The following NFIB variants were observed in gnomAD, a reference collection of about 807,000 sequenced individuals.
The protein encoded by NFIB is nuclear factor I B.
Under a neutral mutation model 61.5 loss-of-function variants are expected in NFIB, and 11 were observed. The ratio of observed to expected loss-of-function variants is 0.18; its 90% CI spans 0.11 to 0.30. NFIB has a LOEUF of 0.30. Among genes scored for constraint, NFIB ranks in the 10% least tolerant of loss-of-function variants. NFIB has a pLI of 1.00. For synonymous variants in NFIB, 260 were observed against 216.5 expected (o/e 1.20, Z -1.76); for missense variants, 471 against 608.9 (o/e 0.77, Z 2.38).
intron 2 of NFIB, among the ~76,000 whole-genome samples, chr9:14,296,557 T>A (rs1264438337): frequency 6.6e-6 from 1 of 152,238 alleles, no homozygotes; most frequent in Non-Finnish European, 1.5e-5. Context: ...GGAGCTTTCA[T>A]AAACAGGATT....
the NFIB span, among the ~76,000 whole-genome samples, chr9:14,440,306 G>T: frequency 1.3e-5 from 2 of 152,086 alleles, no homozygotes; most frequent in African/African-American, 4.8e-5. Flanking sequence ...AATTGGCCTG[G>T]GTGTGATCCA....
chr9:14,263,546 A>G (rs1481388965), intron 2 of NFIB, among the ~76,000 whole-genome samples: 3 of 152,210 alleles, frequency 2.0e-5, no homozygotes, highest in Non-Finnish European at 2.9e-5. Flanking sequence ...CAGCTTTCCC[A>G]AAAGCCTGGC....
At chr9:14,417,780 T>TG in the NFIB span, among the ~76,000 whole-genome samples, 5 of 141,070 alleles carry the variant, frequency 3.5e-5, no homozygotes, top group South Asian at 2.3e-4. Flanking sequence ...AACAGTTTTT[T>TG]TTTTTTTTTT....
At chr9:14,492,821 G>C in the NFIB span, among the ~76,000 whole-genome samples, 1 of 152,184 alleles carries the variant, frequency 6.6e-6, no homozygotes. Context: ...TATAGGTAAA[G>C]AGGCTAAGGG....
the NFIB span, among the ~76,000 whole-genome samples, chr9:14,531,635 T>C: frequency 1.3e-5 from 2 of 151,406 alleles, no homozygotes; most frequent in African/African-American, 2.4e-5. Flanking sequence ...CCCACCTCCA[T>C]CTATTTCACA....
intron 1 of NFIB, chr9:14,362,038 A>G (rs2061247092): frequency 6.6e-6 from 1 of 152,266 alleles, no homozygotes; most frequent in Non-Finnish European, 1.5e-5. Flanking sequence ...TGACAACTTT[A>G]TGCCAGAGGT....
At chr9:14,490,113 A>T in the NFIB span, among the ~76,000 whole-genome samples, 4 of 152,158 alleles carry the variant, frequency 2.6e-5, no homozygotes, top group Non-Finnish European at 4.4e-5. Context: ...AAATTATACT[A>T]ATTTACTCTT....
Position 14,213,589 on chromosome 9 carries a change from A to C in NFIB, c.563-33809T>G, listed in dbSNP as rs532670809. The stretch of plus-strand genomic sequence containing the variant: ...GGACCAAACTTTGGGAACCACTGCT[A>C]CACAGTAACATGGGAAACCGAAATA... On this transcript the variant is annotated intron_variant, in intron 2 of 10. Transcript: ENST00000380953. Among the ~76,000 whole-genome samples the C allele has an allele frequency of 3.8e-4, 58 of 152,344 alleles. No individual in the cohort carries two copies. The South Asian group carries it at 0.012, about 32-fold the overall frequency.
intron 6 of NFIB, among the ~76,000 whole-genome samples, chr9:14,144,631 T>C (rs2042096179): frequency 6.6e-6 from 1 of 152,170 alleles, no homozygotes; most frequent in African/African-American, 2.4e-5. Context: ...ACAAGGTCCC[T>C]TCTCTCACAG....
the NFIB span, among the ~76,000 whole-genome samples, chr9:14,453,602 T>G: frequency 6.6e-6 from 1 of 152,214 alleles, no homozygotes; most frequent in African/African-American, 2.4e-5. Context: ...AGCATCATTA[T>G]TAGTTTACTC....
At chr9:14,508,227 TTGTGTATG>T in the NFIB span, among the ~76,000 whole-genome samples, 2 of 152,072 alleles carry the variant, frequency 1.3e-5, no homozygotes, top group African/African-American at 4.8e-5. Context: ...GTATATGTGT[TTGTGTATG>T]TGTGTATGTG....
chr9:14,367,900 G>A (rs974569320), intron 1 of NFIB, among the ~76,000 whole-genome samples: 1 of 152,094 alleles, frequency 6.6e-6, no homozygotes, highest in Non-Finnish European at 1.5e-5. Flanking sequence ...GCTAAGGGAG[G>A]GATAGCATTA....
At chr9:14,194,654 T>C (rs2048292181) in intron 2 of NFIB, among the ~76,000 whole-genome samples, 1 of 152,156 alleles carries the variant, frequency 6.6e-6, no homozygotes, top group African/African-American at 2.4e-5. Flanking sequence ...GCCATAGGAA[T>C]AGATAATTCA....
At chr9:14,116,127 G>GAT in intron 9 of NFIB, 81 bp downstream of exon 9, 5 of 1,348,056 alleles carry the variant, frequency 3.7e-6, no homozygotes, top group Non-Finnish European at 4.8e-6. Flanking sequence ...CCTTGGATCA[G>GAT]ATATCCAATG....
chr9:14,192,114 G>C (rs2048012414), intron 2 of NFIB, among the ~76,000 whole-genome samples: 1 of 152,162 alleles, frequency 6.6e-6, no homozygotes, highest in African/African-American at 2.4e-5. Context: ...AATAATTTGA[G>C]CCTGTCACCT....
the NFIB span, among the ~76,000 whole-genome samples, chr9:14,427,232 T>C: frequency 6.6e-6 from 1 of 152,194 alleles, no homozygotes; most frequent in Admixed American, 6.5e-5. Flanking sequence ...TTATACTCTC[T>C]TTACTCATCT....
chr9:14,279,295 C>A (rs1479368998), intron 2 of NFIB, among the ~76,000 whole-genome samples: 1 of 152,126 alleles, frequency 6.6e-6, no homozygotes, highest in African/African-American at 2.4e-5. Flanking sequence ...ATCTACTAAT[C>A]ACTATGATGA....
At chr9:14,364,285 TTTGGCTTTGTGAAGTTTG>T (rs1339412260) in intron 1 of NFIB, among the ~76,000 whole-genome samples, 2 of 152,298 alleles carry the variant, frequency 1.3e-5, no homozygotes, top group Non-Finnish European at 1.5e-5. Context: ...GTGGAGTTTT[TTTGGCTTTGTGAAGTTTG>T]TTGGCTTTGT....
At chr9:14,443,138 G>T in the NFIB span, among the ~76,000 whole-genome samples, 1 of 150,854 alleles carries the variant, frequency 6.6e-6, no homozygotes, top group Non-Finnish European at 1.5e-5. Flanking sequence ...GGAAAGGAAG[G>T]TCAAGGTTCA....
Sources: gnomAD v4.1 joint callset for allele counts (sites outside exome capture counted in the v4.1 genomes callset) on GRCh38, gnomAD v4.1.1 for gene constraint, MANE v1.5 for transcripts, NCBI Gene and HGNC (gene_info 2026-07-23, HGNC 2026-07-21) for gene names.